KHDRBS2: variants seen among roughly 807,000 people sequenced by gnomAD.
The protein encoded by KHDRBS2 is KH RNA binding domain containing, signal transduction associated 2, also known as KH domain-containing, RNA-binding, signal transduction-associated protein 2.
A neutral mutation model predicts 44.3 loss-of-function variants in KHDRBS2; 26 were observed. That is an observed-to-expected ratio of 0.59 (90% confidence interval 0.43 to 0.81). KHDRBS2 has a LOEUF of 0.81. KHDRBS2 is among the 40% of genes least tolerant of loss of function. KHDRBS2 has a pLI of 0.00. For synonymous variants in KHDRBS2, 194 were observed against 151.1 expected, an observed-to-expected ratio of 1.28 and a Z score of -2.08; for missense variants, 476 against 433.1, an observed-to-expected ratio of 1.10 and a Z score of -0.88.
chr6:61,913,616 G>A (rs552181987), intron 4 of KHDRBS2, among the ~76,000 whole-genome samples: 1 of 152,054 alleles, frequency 6.6e-6, no homozygotes, highest in African/African-American at 2.4e-5. Context: ...ACATTCTAAT[G>A]TGGGGAAAGA....
intron 1 of KHDRBS2, among the ~76,000 whole-genome samples, chr6:62,266,895 A>G (rs945445103): frequency 6.6e-6 from 1 of 152,082 alleles, no homozygotes; most frequent in African/African-American, 2.4e-5. Flanking sequence ...CATAATTACA[A>G]TTAGACTAGC....
chr6:62,131,991 G>GA (rs1810441185), intron 2 of KHDRBS2, among the ~76,000 whole-genome samples: 1 of 152,130 alleles, frequency 6.6e-6, no homozygotes, highest in South Asian at 2.1e-4. Context: ...AGAAATCAGT[G>GA]AAATCACTCA....
chr6:61,970,385 T>A (rs1449265172), intron 4 of KHDRBS2, among the ~76,000 whole-genome samples: 2 of 152,074 alleles, frequency 1.3e-5, no homozygotes, highest in East Asian at 3.9e-4. Context: ...AAGTATGGGC[T>A]GATGAGAAAA....
chr6:61,715,058 G>C (rs574691573), intron 7 of KHDRBS2, among the ~76,000 whole-genome samples: 143 of 151,886 alleles, frequency 9.4e-4, no homozygotes, highest in African/African-American at 3.2e-3. Context: ...AATTACAACT[G>C]TACCCCATAA....
At chr6:61,548,210 G>GA in the KHDRBS2 span, among the ~76,000 whole-genome samples, 2 of 151,990 alleles carry the variant, frequency 1.3e-5, no homozygotes, top group Admixed American at 6.6e-5. Context: ...ACTAACTATG[G>GA]AAAAATAACA....
At chr6:61,777,075 G>A (rs1386672615) in intron 6 of KHDRBS2, among the ~76,000 whole-genome samples, 4 of 151,900 alleles carry the variant, frequency 2.6e-5, no homozygotes, top group African/African-American at 4.8e-5. Flanking sequence ...ACTCATAGGT[G>A]GGAACTGAAC....
chr6:61,949,853 T>C (rs986838139), intron 4 of KHDRBS2, among the ~76,000 whole-genome samples: 2 of 152,102 alleles, frequency 1.3e-5, no homozygotes, highest in Non-Finnish European at 2.9e-5. Context: ...AATTATTTTA[T>C]CTCCCATTCT....
At chr6:61,961,146 A>AC (rs1258921700) in intron 4 of KHDRBS2, among the ~76,000 whole-genome samples, 6 of 152,104 alleles carry the variant, frequency 3.9e-5, no homozygotes, top group Non-Finnish European at 5.9e-5. Flanking sequence ...CTATGTTGCA[A>AC]CAATAGCTTT....
At chr6:62,014,972 T>C (rs1307675737) in intron 3 of KHDRBS2, among the ~76,000 whole-genome samples, 1 of 152,168 alleles carries the variant, frequency 6.6e-6, no homozygotes. Context: ...TGTGGATTTT[T>C]TTACCTTGGC....
At chr6:61,829,730 A>C (rs1324728896) in intron 6 of KHDRBS2, among the ~76,000 whole-genome samples, 1 of 152,192 alleles carries the variant, frequency 6.6e-6, no homozygotes. Context: ...CATGCAAGCT[A>C]ATAGTGATAT....
At chr6:62,045,561 T>A (rs1362770650) in intron 3 of KHDRBS2, among the ~76,000 whole-genome samples, 3 of 152,106 alleles carry the variant, frequency 2.0e-5, no homozygotes, top group Non-Finnish European at 4.4e-5. Flanking sequence ...CCCATTGGAA[T>A]GTAAACTCTA....
chr6:61,668,904 A>T, the KHDRBS2 span, among the ~76,000 whole-genome samples: 1 of 151,078 alleles, frequency 6.6e-6, no homozygotes, highest in Non-Finnish European at 1.5e-5. Context: ...GACTGGGACA[A>T]ATCAATACAA....
At chr6:61,722,013 C>T (rs1231633591) in intron 7 of KHDRBS2, among the ~76,000 whole-genome samples, 1 of 150,746 alleles carries the variant, frequency 6.6e-6, no homozygotes, top group Non-Finnish European at 1.5e-5. Context: ...TGTCAAAGGC[C>T]TTTTCTGCAT....
At chr6:61,567,081 CTT>C in the KHDRBS2 span, among the ~76,000 whole-genome samples, 1 of 152,150 alleles carries the variant, frequency 6.6e-6, no homozygotes, top group Non-Finnish European at 1.5e-5. Flanking sequence ...CTAGTTATCT[CTT>C]ATTGAAATTA....
intron 6 of KHDRBS2, among the ~76,000 whole-genome samples, chr6:61,877,491 C>T (rs1294424398): frequency 1.3e-5 from 2 of 150,068 alleles, no homozygotes; most frequent in African/African-American, 4.9e-5. Flanking sequence ...CACATTGCTT[C>T]CCTCCTTTAA....
chr6:61,685,332 G>A (rs1247444022), intron 8 of KHDRBS2, among the ~76,000 whole-genome samples: 1 of 151,752 alleles, frequency 6.6e-6, no homozygotes, highest in Admixed American at 6.6e-5. Flanking sequence ...ATCTATGAAA[G>A]GAGAAATCGT....
intron 2 of KHDRBS2, among the ~76,000 whole-genome samples, chr6:62,156,828 C>A (rs1375164389): frequency 7.5e-6 from 1 of 133,730 alleles, no homozygotes; most frequent in Admixed American, 7.6e-5. Flanking sequence ...CCCGCCACCA[C>A]GCCCGGCTAA....
chr6:61,952,955 T>C (rs758833671), intron 4 of KHDRBS2, among the ~76,000 whole-genome samples: 1 of 152,082 alleles, frequency 6.6e-6, no homozygotes, highest in Non-Finnish European at 1.5e-5. Context: ...GGTTTCTTTG[T>C]ATATTCTGAA....
chr6:62,141,172 A>C (rs1284682050), intron 2 of KHDRBS2, among the ~76,000 whole-genome samples: 1 of 152,172 alleles, frequency 6.6e-6, no homozygotes. Flanking sequence ...GACTAATGGC[A>C]GTGTAAAAGT....
Sources: allele counts gnomAD v4.1 joint callset (sites outside exome capture counted in the v4.1 genomes callset), GRCh38; gene constraint gnomAD v4.1.1; transcripts MANE v1.5; gene names NCBI Gene and HGNC (gene_info 2026-07-23, HGNC 2026-07-21).